JMJD1C: variants seen among roughly 807,000 people sequenced by gnomAD.
The protein encoded by JMJD1C is jumonji domain-containing protein 1C.
A neutral mutation model predicts 245.3 loss-of-function variants in JMJD1C; 31 were observed. The observed-to-expected ratio is 0.13, with a 90% CI of 0.09 to 0.17. The LOEUF (loss-of-function observed/expected upper bound fraction) is 0.17. JMJD1C is among the 10% of genes least tolerant of loss of function. JMJD1C has a pLI of 1.00. For synonymous variants in JMJD1C, 1,057 were observed against 1,017.4 expected (o/e 1.04, Z -0.74); for missense variants, 2,691 against 3,000.2 (o/e 0.90, Z 2.41).
In JMJD1C at chr10:63,520,787, C is replaced by A. The variant is rs150145681; in HGVS notation, n.113+951G>T. On this transcript the variant is annotated intron_variant and non_coding_transcript_variant, in intron 1 of 3. Coordinates refer to the JMJD1C transcript ENST00000633035. Reference sequence around the variant, plus strand: ...GAGGCCCAGAACAGTGGTATCACTGCACCCACTACTGCAAACATGAAATCC... The same window carrying A: ...GAGGCCCAGAACAGTGGTATCACTGAACCCACTACTGCAAACATGAAATCC... Among the ~76,000 whole-genome samples, 994 of 152,312 alleles carry A rather than the reference C, an allele frequency of 6.5e-3. 8 individuals are homozygous for A. Among genetic ancestry groups the A allele is most frequent in the Middle Eastern group, 0.014 (4 of 294 alleles).
intron 1 of JMJD1C, among the ~76,000 whole-genome samples, chr10:63,494,118 C>T (rs1954271687): frequency 6.6e-6 from 1 of 152,150 alleles, no homozygotes; most frequent in Non-Finnish European, 1.5e-5. Flanking sequence ...CGAGACCAGC[C>T]TGACCAACAC....
At chr10:63,258,160 ATCTT>A (rs966069111) in intron 3 of JMJD1C, among the ~76,000 whole-genome samples, 3 of 152,218 alleles carry the variant, frequency 2.0e-5, no homozygotes, top group Admixed American at 2.0e-4. Context: ...ATTTCATTTA[ATCTT>A]TCTAACAACC....
Position 63,193,382 on chromosome 10 carries a change from T to G in JMJD1C, c.5825A>C (p.Gln1942Pro). 1 of 1,604,630 alleles carries G rather than the reference T, an allele frequency of 6.2e-7. No individual in the cohort carries two copies. The highest frequency in any genetic ancestry group is 8.5e-7 in the Non-Finnish European group (1 of 1,174,962). The change falls in exon 15 of 26, where the codon CAA (glutamine) becomes CCA (proline). Residue 1942 changes from glutamine to proline, a missense_variant. Gln to Pro is a moderately conservative substitution (Grantham distance 76). Coordinates refer to ENST00000399262, the MANE Select transcript of JMJD1C (RefSeq NM_032776.3). ...HCHCTNKQNL[Q>P]VGNFPTMNGV... ...ATTCATTGTAGGAAAATTTCCAACTTGTAAATTCTGTTTGTTAGTACAATG... is the reference window on the plus strand; with the variant it reads ...ATTCATTGTAGGAAAATTTCCAACTGGTAAATTCTGTTTGTTAGTACAATG...
At chr10:63,440,351 A>T (rs7083970) in intron 1 of JMJD1C, among the ~76,000 whole-genome samples, 7,123 of 67,740 alleles carry the variant, frequency 0.11, 287 homozygotes, top group Middle Eastern at 0.19. Context: ...AAAAAAAAAA[A>T]AAATATATAT....
At chr10:63,238,006 T>TAAAA (rs35736445) in intron 3 of JMJD1C, among the ~76,000 whole-genome samples, 15 of 27,614 alleles carry the variant, frequency 5.4e-4, no homozygotes, top group African/African-American at 2.3e-3. Context: ...CCGTCTCTAC[T>TAAAA]AAAAAAAAAA....
chr10:63,460,685 A>G (rs1386865996), intron 1 of JMJD1C, among the ~76,000 whole-genome samples: 2 of 152,232 alleles, frequency 1.3e-5, no homozygotes, highest in African/African-American at 4.8e-5. Context: ...TTTTAGACTT[A>G]AAGACATTTC....
At chr10:63,491,631 T>C (rs562872260) in intron 1 of JMJD1C, among the ~76,000 whole-genome samples, 15 of 152,328 alleles carry the variant, frequency 9.8e-5, no homozygotes, top group Admixed American at 6.5e-4. Context: ...CCTTCTTTAT[T>C]GTGTCTGAAA....
At chr10:63,296,165 CGCCCAG>C (rs1564748631) in intron 2 of JMJD1C, among the ~76,000 whole-genome samples, 3,246 of 150,444 alleles carry the variant, frequency 0.022, 116 homozygotes, top group African/African-American at 0.073. Context: ...TGCACCACCA[CGCCCAG>C]CTAATTTTTT....
chr10:63,462,734 G>T (rs1453491213), intron 1 of JMJD1C, among the ~76,000 whole-genome samples: 1 of 152,130 alleles, frequency 6.6e-6, no homozygotes, highest in Admixed American at 6.6e-5. Flanking sequence ...CTAAAAACTA[G>T]AAAAGGAAAG....
intron 2 of JMJD1C, 23 bp from the exon 3 acceptor site, chr10:63,264,787 T>C (rs765029898): frequency 8.0e-6 from 9 of 1,122,750 alleles, no homozygotes; most frequent in Non-Finnish European, 1.1e-5. Context: ...AAAAAATTTC[T>C]AATGATAATT....
intron 1 of JMJD1C, among the ~76,000 whole-genome samples, chr10:63,481,312 G>A (rs969584931): frequency 1.3e-5 from 2 of 152,146 alleles, no homozygotes; most frequent in African/African-American, 4.8e-5. Flanking sequence ...TGGAAATTAC[G>A]GTGATATTAA....
At position 63,239,196 on chromosome 10, in the gene JMJD1C, T is replaced by C. The variant is rs533848441; in HGVS notation, c.448-19213A>G. 7.2e-5 allele frequency among the ~76,000 whole-genome samples: 11 copies of C among 152,084 alleles called. No individual in the cohort carries two copies. In the East Asian group the frequency reaches 2.1e-3, roughly 29 times the overall value. Reference sequence around the variant, plus strand: ...ACAGAGGAAAATTCATACGCAAGAATAGATGGGTGAAACAATATGGAATAT... The same window carrying C: ...ACAGAGGAAAATTCATACGCAAGAACAGATGGGTGAAACAATATGGAATAT... On this transcript the variant is annotated intron_variant, in intron 3 of 25. Coordinates refer to ENST00000399262, the MANE Select transcript of JMJD1C (RefSeq NM_032776.3).
At chr10:63,327,728 G>A (rs1004858823) in intron 2 of JMJD1C, among the ~76,000 whole-genome samples, 1 of 151,932 alleles carries the variant, frequency 6.6e-6, no homozygotes, top group African/African-American at 2.4e-5. Flanking sequence ...GAGGGCAATG[G>A]CGCAATCTTG....
intron 1 of JMJD1C, among the ~76,000 whole-genome samples, chr10:63,479,884 T>G (rs61085814): frequency 0.021 from 3,247 of 152,284 alleles, 115 homozygotes; most frequent in African/African-American, 0.072. Context: ...ATTTCTACTT[T>G]GAAAGATTCA....
chr10:63,219,841 T>C, intron 4 of JMJD1C, 37 bp downstream of exon 4: 1 of 1,475,050 alleles, frequency 6.8e-7, no homozygotes, highest in Non-Finnish European at 9.5e-7. Flanking sequence ...GTTGCCTAGA[T>C]CCAAAAAAAT....
Position 63,465,881 on chromosome 10 carries a change from G to A in JMJD1C, c.-219C>T. On this transcript the variant is annotated 5_prime_UTR_variant, in exon 1 of 26. Transcript: ENST00000399262. Reference sequence around the variant, plus strand: ...TGGACTCCCAGATTCGCAGCCTTGTGCTGCAGCGCCACACAAGAAAACTGA... The same window carrying A: ...TGGACTCCCAGATTCGCAGCCTTGTACTGCAGCGCCACACAAGAAAACTGA... 3 of 672,752 alleles carry A rather than the reference G, an allele frequency of 4.5e-6. No homozygotes were observed. The highest frequency in any genetic ancestry group is 3.2e-5 in the South Asian group (2 of 63,180). 41.7% of individuals were successfully genotyped at this position (672,752 alleles called of 1,614,324 possible). A position where few individuals can be genotyped will look rare whatever the true frequency, so the allele number is the denominator to read the frequency against.
Position 63,215,164 on chromosome 10 carries a change from A to C in JMJD1C, c.1016-13T>G. On this transcript the variant is annotated splice_polypyrimidine_tract_variant and intron_variant, in intron 7 of 25. Transcript: ENST00000399262. ...CCTTTAGGATTTTCTGTAGGATTAA[A>C]GAAAGAAGAGTCTTATTTTTCATAC... The C allele has an allele frequency of 6.6e-7, 1 of 1,519,688 alleles. No individual in the cohort carries two copies. The highest frequency in any genetic ancestry group is 1.2e-5 in the South Asian group (1 of 80,430). The allele number at this position is 1,519,688 out of a possible 1,614,324, so 94.1% of individuals were successfully genotyped here. A position where few individuals can be genotyped will look rare whatever the true frequency, so the allele number is the denominator to read the frequency against.
intron 1 of JMJD1C, among the ~76,000 whole-genome samples, chr10:63,416,243 AAAT>A (rs1304517609): frequency 3.9e-5 from 6 of 152,306 alleles, no homozygotes; most frequent in African/African-American, 1.4e-4. Flanking sequence ...ATCATGGAAA[AAAT>A]AACACACATC....
At chr10:63,463,212 T>G (rs1385905822) in intron 1 of JMJD1C, among the ~76,000 whole-genome samples, 4 of 152,182 alleles carry the variant, frequency 2.6e-5, no homozygotes, top group Admixed American at 6.5e-5. Context: ...TCGCCCAGGC[T>G]AGAGTGCAGT....
Sources: gnomAD v4.1 joint callset for allele counts (sites outside exome capture counted in the v4.1 genomes callset) on GRCh38, gnomAD v4.1.1 for gene constraint, MANE v1.5 for transcripts, NCBI Gene and HGNC (gene_info 2026-07-23, HGNC 2026-07-21) for gene names.